The following RIMS1 variants were observed in gnomAD, a reference collection of about 807,000 sequenced individuals.
RIMS1 encodes regulating synaptic membrane exocytosis 1, also known as regulating synaptic membrane exocytosis protein 1.
In RIMS1, 83 loss-of-function variants were observed where a neutral mutation model predicts 214.1. The ratio of observed to expected loss-of-function variants is 0.39; its 90% confidence interval spans 0.32 to 0.47. RIMS1 has a LOEUF of 0.47. Among genes scored for constraint, RIMS1 ranks in the 20% least tolerant of loss-of-function variants. The pLI, the probability that RIMS1 is intolerant of heterozygous loss-of-function variation, is 0.99. For synonymous variants in RIMS1, 793 were observed against 786.8 expected, an observed-to-expected ratio of 1.01 and a Z score of -0.13; for missense variants, 2,050 against 2,161.8, an observed-to-expected ratio of 0.95 and a Z score of 1.03.
chr6:72,340,920 GA>G (rs2097060046), intron 29 of RIMS1, among the ~76,000 whole-genome samples: 1 of 152,068 alleles, frequency 6.6e-6, no homozygotes, highest in Non-Finnish European at 1.5e-5. Flanking sequence ...CATGAGCATG[GA>G]ATGTTCTTCC....
chr6:72,179,363 G>C (rs2048146416), intron 4 of RIMS1: 3 of 588,820 alleles, frequency 5.1e-6, no homozygotes, highest in Non-Finnish European at 9.1e-6. Context: ...CTCTACTCTG[G>C]CTGCTGAGAG....
At chr6:72,370,389 C>T (rs1000733406) in intron 29 of RIMS1, among the ~76,000 whole-genome samples, 4 of 152,196 alleles carry the variant, frequency 2.6e-5, no homozygotes, top group African/African-American at 7.2e-5. Flanking sequence ...TTTGCCCCCA[C>T]AGTCATGAAT....
chr6:72,173,504 T>G (rs2047312996), intron 4 of RIMS1, among the ~76,000 whole-genome samples: 2 of 152,132 alleles, frequency 1.3e-5, no homozygotes, highest in Admixed American at 6.5e-5. Context: ...TTATCTCATG[T>G]GTTTTCTTAT....
intron 2 of RIMS1, among the ~76,000 whole-genome samples, chr6:71,971,472 G>A (rs982150168): frequency 1.3e-5 from 2 of 152,108 alleles, no homozygotes; most frequent in Non-Finnish European, 2.9e-5. Context: ...AGAGTTTAGG[G>A]GGATTACCAT....
chr6:72,399,125 T>G (rs769971589), intron 33 of RIMS1, 31 bp downstream of exon 33: 1 of 1,548,892 alleles, frequency 6.5e-7, no homozygotes, highest in East Asian at 2.3e-5. Context: ...CTTTTTACAT[T>G]GAAATGTCTG....
intron 2 of RIMS1, among the ~76,000 whole-genome samples, chr6:72,006,003 G>C (rs1158094431): frequency 6.6e-6 from 1 of 152,190 alleles, no homozygotes; most frequent in African/African-American, 2.4e-5. Context: ...TTGGAGGTTG[G>C]AAGTCCAAGA....
At position 71,913,226 on chromosome 6, in the gene RIMS1, A is replaced by G. The variant is rs779775409; in HGVS notation, c.164+26039A>G. Among the ~76,000 whole-genome samples, 9 of 152,242 alleles carry G rather than the reference A, an allele frequency of 5.9e-5. No individual in the cohort carries two copies. The East Asian group carries it at 9.6e-4, about 16-fold the overall frequency. ...TTAGTAATATAATTGTATGTTGTAA[A>G]ATATTTAAATGTGGGTCTTATTAAA... On this transcript the variant is annotated intron_variant, in intron 1 of 33. Coordinates refer to ENST00000521978, the MANE Select transcript of RIMS1 (RefSeq NM_014989.7).
chr6:72,086,274 C>T (rs937966060), intron 2 of RIMS1, among the ~76,000 whole-genome samples: 6 of 152,072 alleles, frequency 3.9e-5, no homozygotes, highest in Non-Finnish European at 8.8e-5. Flanking sequence ...CCTGTATGCT[C>T]ATATCTAGAA....
At chr6:72,259,889 G>T (rs2077252028) in intron 18 of RIMS1, among the ~76,000 whole-genome samples, 2 of 152,124 alleles carry the variant, frequency 1.3e-5, no homozygotes, top group Admixed American at 6.6e-5. Flanking sequence ...GAGGAGAAGG[G>T]TCATGATAGT....
chr6:72,255,779 T>C (rs1056499613), intron 16 of RIMS1, among the ~76,000 whole-genome samples: 2 of 152,190 alleles, frequency 1.3e-5, no homozygotes, highest in Non-Finnish European at 2.9e-5. Flanking sequence ...GGCTCACGCC[T>C]GTAATCCCAG....
intron 4 of RIMS1, among the ~76,000 whole-genome samples, chr6:72,143,257 T>G (rs1158653759): frequency 6.6e-6 from 1 of 152,210 alleles, no homozygotes; most frequent in East Asian, 1.9e-4. Context: ...TGGTTTCTGA[T>G]AGAAAGAAAT....
At chr6:72,239,783 G>T (rs2065924966) in intron 9 of RIMS1, among the ~76,000 whole-genome samples, 1 of 152,106 alleles carries the variant, frequency 6.6e-6, no homozygotes, top group South Asian at 2.1e-4. Flanking sequence ...AAGCTCTGTA[G>T]CCTTGTCCTC....
At chr6:72,182,200 T>G in intron 5 of RIMS1, 84 bp from the exon 6 acceptor site, 4 of 1,391,594 alleles carry the variant, frequency 2.9e-6, no homozygotes, top group Non-Finnish European at 3.9e-6. Flanking sequence ...CTGAAATGAT[T>G]TAAGACTGGA....
chr6:72,107,565 G>GA (rs922234463), intron 4 of RIMS1, among the ~76,000 whole-genome samples: 14 of 151,222 alleles, frequency 9.3e-5, no homozygotes, highest in African/African-American at 3.4e-4. Context: ...CATCTCAAAA[G>GA]AAAAAAGAAA....
intron 29 of RIMS1, among the ~76,000 whole-genome samples, chr6:72,376,305 T>C (rs1411387362): frequency 6.6e-6 from 1 of 152,172 alleles, no homozygotes; most frequent in East Asian, 1.9e-4. Context: ...CTCACTTCCA[T>C]GAGGAATATT....
chr6:71,999,363 A>G (rs1171013218), intron 2 of RIMS1, among the ~76,000 whole-genome samples: 1 of 152,186 alleles, frequency 6.6e-6, no homozygotes, highest in African/African-American at 2.4e-5. Flanking sequence ...GAATGCTACT[A>G]GTGTTATCAA....
chr6:72,086,218 G>C (rs1473562623), intron 2 of RIMS1, among the ~76,000 whole-genome samples: 1 of 152,142 alleles, frequency 6.6e-6, no homozygotes, highest in African/African-American at 2.4e-5. Flanking sequence ...TGAAGGAGAC[G>C]ACAAAGGCAA....
intron 1 of RIMS1, among the ~76,000 whole-genome samples, chr6:71,901,954 A>C (rs1042134858): frequency 6.6e-5 from 10 of 152,116 alleles, no homozygotes; most frequent in Non-Finnish European, 1.3e-4. Flanking sequence ...AAGATGAATA[A>C]AAACAAATAG....
intron 2 of RIMS1, among the ~76,000 whole-genome samples, chr6:72,013,954 A>T (rs1203791891): frequency 6.6e-6 from 1 of 152,176 alleles, no homozygotes; most frequent in Non-Finnish European, 1.5e-5. Context: ...CTGAACCTAG[A>T]CATGTCACAT....
Sources: allele counts gnomAD v4.1 joint callset (sites outside exome capture counted in the v4.1 genomes callset), GRCh38; gene constraint gnomAD v4.1.1; transcripts MANE v1.5; gene names NCBI Gene and HGNC (gene_info 2026-07-23, HGNC 2026-07-21).